Variants in ADAMTS17 observed in about 807,000 individuals in gnomAD.
ADAMTS17 encodes A disintegrin and metalloproteinase with thrombospondin motifs 17.
A neutral mutation model predicts 141.5 loss-of-function variants in ADAMTS17; 113 were observed. The observed-to-expected ratio is 0.80, with a 90% confidence interval of 0.69 to 0.93. The LOEUF (loss-of-function observed/expected upper bound fraction) is 0.93. ADAMTS17 is among the 40% of genes least tolerant of loss of function. The pLI is 0.00. For missense variants in ADAMTS17, 1,659 were observed against 1,517.9 expected (o/e 1.09, Z -1.54); for synonymous variants, 768 against 630.6 (o/e 1.22, Z -3.27).
At chr15:100,056,023 G>C (rs1205101672) in intron 15 of ADAMTS17, among the ~76,000 whole-genome samples, 2 of 152,174 alleles carry the variant, frequency 1.3e-5, no homozygotes, top group African/African-American at 4.8e-5. Flanking sequence ...TAGATTTTAT[G>C]ACTAATGCTG....
chr15:100,091,785 T>A (rs2140997066), intron 15 of ADAMTS17, among the ~76,000 whole-genome samples: 1 of 152,228 alleles, frequency 6.6e-6, no homozygotes, highest in Admixed American at 6.5e-5. Flanking sequence ...TCAGAGTTCT[T>A]TTTTTTTGTT....
chr15:100,265,998 A>C (rs1220589523), intron 4 of ADAMTS17, among the ~76,000 whole-genome samples: 1 of 152,172 alleles, frequency 6.6e-6, no homozygotes, highest in Non-Finnish European at 1.5e-5. Flanking sequence ...GCACTATGCT[A>C]GTCTTGCTGG....
At chr15:100,034,033 T>C (rs2030456789) in intron 18 of ADAMTS17, among the ~76,000 whole-genome samples, 2 of 152,338 alleles carry the variant, frequency 1.3e-5, no homozygotes, top group South Asian at 4.1e-4. Flanking sequence ...ACTAGCTCTA[T>C]CCAATGGAAG....
intron 15 of ADAMTS17, among the ~76,000 whole-genome samples, chr15:100,075,028 G>C (rs75170919): frequency 1.3e-5 from 2 of 151,924 alleles, no homozygotes; most frequent in Admixed American, 6.6e-5. Context: ...ATAAATTCTA[G>C]TTGTTATTTT....
chr15:100,287,998 C>T (rs2044501941), intron 3 of ADAMTS17, among the ~76,000 whole-genome samples: 1 of 152,154 alleles, frequency 6.6e-6, no homozygotes, highest in Admixed American at 6.5e-5. Flanking sequence ...AGGAAGAAAT[C>T]TGTATATATC....
At chr15:99,976,015 C>T (rs1391440299) in intron 21 of ADAMTS17, 30 bp downstream of exon 21, 2 of 1,540,312 alleles carry the variant, frequency 1.3e-6, no homozygotes, top group Admixed American at 2.0e-5. Flanking sequence ...CAGCAGCCCC[C>T]TGGGAACCGG....
intron 20 of ADAMTS17, among the ~76,000 whole-genome samples, chr15:99,985,616 CT>C (rs2141300753): frequency 6.6e-6 from 1 of 152,300 alleles, no homozygotes; most frequent in South Asian, 2.1e-4. Context: ...TCAGCTCCTT[CT>C]TGTTTCAAAT....
At position 100,133,260 on chromosome 15, in the gene ADAMTS17, G is replaced by C. The variant is rs1370606747; in HGVS notation, c.1529C>G (p.Thr510Ser). ...CLVEGDTSCK[T>S]KLDPPLDGTE... ...GCCATCCAGGGGAGGGTCCAGCTTG[G>C]TCTTGCAGGATGTGTCTCCTTCTAC... Residue 510 changes from threonine (T) to serine (S), a missense_variant, in exon 11 of 22, where the codon ACC becomes AGC. Coordinates refer to ENST00000268070, the MANE Select transcript of ADAMTS17 (RefSeq NM_139057.4). 3.1e-6 allele frequency: 5 copies of C among 1,600,384 alleles called. No homozygotes were observed. Among genetic ancestry groups the C allele is most frequent in the African/African-American group, 1.3e-5 (1 of 74,928 alleles).
chr15:100,035,482 A>G (rs2030618845), intron 18 of ADAMTS17, among the ~76,000 whole-genome samples: 1 of 152,134 alleles, frequency 6.6e-6, no homozygotes, highest in Admixed American at 6.5e-5. Flanking sequence ...CCAGTGTGTA[A>G]TGTTTGCTCA....
intron 7 of ADAMTS17, among the ~76,000 whole-genome samples, chr15:100,240,058 T>C (rs2042783461): frequency 6.6e-6 from 1 of 152,168 alleles, no homozygotes. Flanking sequence ...GTGAGCCTGC[T>C]CCACGTGTAC....
chr15:100,017,649 G>A (rs908162185), intron 18 of ADAMTS17, among the ~76,000 whole-genome samples: 1 of 152,230 alleles, frequency 6.6e-6, no homozygotes, highest in Non-Finnish European at 1.5e-5. Flanking sequence ...CAGTGGGGGT[G>A]TATGTTTGGG....
At chr15:100,157,587 C>A (rs979594273) in intron 8 of ADAMTS17, among the ~76,000 whole-genome samples, 23 of 152,160 alleles carry the variant, frequency 1.5e-4, no homozygotes, top group African/African-American at 5.6e-4. Flanking sequence ...TCCAACTCAC[C>A]CTATTTTCTC....
At chr15:100,217,961 G>A (rs915589365) in intron 7 of ADAMTS17, among the ~76,000 whole-genome samples, 14 of 152,204 alleles carry the variant, frequency 9.2e-5, no homozygotes, top group African/African-American at 2.2e-4. Context: ...GCTCACTGCC[G>A]CCTTGACCTC....
chr15:100,203,088 C>T (rs1486636655), intron 7 of ADAMTS17, among the ~76,000 whole-genome samples: 1 of 152,196 alleles, frequency 6.6e-6, no homozygotes, highest in East Asian at 1.9e-4. Flanking sequence ...GGCTTGACTG[C>T]TCTGAACACT....
intron 15 of ADAMTS17, among the ~76,000 whole-genome samples, chr15:100,090,939 C>T (rs979960420): frequency 1.1e-4 from 15 of 142,496 alleles, no homozygotes; most frequent in Admixed American, 8.3e-4. Flanking sequence ...ACCCGGGAGG[C>T]GGAGGTTGCA....
chr15:100,221,143 GT>G (rs147404775), intron 7 of ADAMTS17, among the ~76,000 whole-genome samples: 2,338 of 149,124 alleles, frequency 0.016, 26 homozygotes, highest in South Asian at 0.047. Context: ...ACGCTTATGT[GT>G]TTTTTTTTTA....
At chr15:100,137,081 G>T (rs1439384569) in intron 10 of ADAMTS17, among the ~76,000 whole-genome samples, 2 of 152,226 alleles carry the variant, frequency 1.3e-5, no homozygotes, top group African/African-American at 2.4e-5. Context: ...CTTACAAGTA[G>T]TTAAATCCTT....
chr15:100,162,912 A>G lies in ADAMTS17; in HGVS notation c.1182-7592T>C, dbSNP rs142698165. On this transcript the variant is annotated intron_variant, in intron 8 of 21. Transcript: ENST00000268070. Reference sequence around the variant, plus strand: ...TGTGTATATAGAACTATATATGTATATGTGTATATATATAACTATATATGT... The same window carrying G: ...TGTGTATATAGAACTATATATGTATGTGTGTATATATATAACTATATATGT... 7.3e-3 allele frequency among the ~76,000 whole-genome samples: 1,066 copies of G among 146,580 alleles called. 18 individuals carry two copies. Among genetic ancestry groups the G allele is most frequent in the African/African-American group, 0.025 (1,025 of 40,298 alleles).
intron 18 of ADAMTS17, among the ~76,000 whole-genome samples, chr15:100,026,871 A>G (rs932839172): frequency 2.6e-5 from 4 of 152,228 alleles, no homozygotes; most frequent in Non-Finnish European, 5.9e-5. Flanking sequence ...TGTTTAGACA[A>G]ATAGATTTCC....
Sources: allele counts gnomAD v4.1 joint callset (sites outside exome capture counted in the v4.1 genomes callset), GRCh38; gene constraint gnomAD v4.1.1; transcripts MANE v1.5; gene names NCBI Gene and HGNC (gene_info 2026-07-23, HGNC 2026-07-21).